The following TMEM167A variants were observed in gnomAD, a reference collection of about 807,000 sequenced individuals.
The protein encoded by TMEM167A is transmembrane protein 167A.
TMEM167A carries 8 observed loss-of-function variants against 11.6 expected under a neutral mutation model. The ratio of observed to expected loss-of-function variants is 0.69; its 90% CI spans 0.40 to 1.24. The LOEUF is 1.24. TMEM167A is among the 50% of genes most tolerant of loss of function. The pLI is 0.01. For synonymous variants in TMEM167A, 22 were observed against 28.0 expected, an observed-to-expected ratio of 0.79 and a Z score of 0.67; for missense variants, 62 against 87.0, an observed-to-expected ratio of 0.71 and a Z score of 1.14.
At chr5:83,062,022 C>G (rs1744414323) in intron 2 of TMEM167A, 111 bp from the exon 3 acceptor site, 1 of 852,854 alleles carries the variant, frequency 1.2e-6, no homozygotes, top group Non-Finnish European at 1.8e-6. Context: ...TAACCTTTAA[C>G]ACTTTGCTTC....
intron 3 of TMEM167A, among the ~76,000 whole-genome samples, chr5:83,061,091 C>T (rs956737963): frequency 5.3e-5 from 8 of 152,138 alleles, no homozygotes; most frequent in African/African-American, 1.9e-4. Context: ...AGTACTTTAA[C>T]TCGAGTCAAA....
intron 1 of TMEM167A, among the ~76,000 whole-genome samples, chr5:83,075,653 G>C (rs968817214): frequency 6.6e-6 from 1 of 151,978 alleles, no homozygotes; most frequent in African/African-American, 2.4e-5. Context: ...GCTGAGGCAG[G>C]AGAATTGCTT....
chr5:83,073,943 G>C (rs1744599904), intron 1 of TMEM167A, among the ~76,000 whole-genome samples: 1 of 152,132 alleles, frequency 6.6e-6, no homozygotes, highest in Non-Finnish European at 1.5e-5. Context: ...TTGTATACCT[G>C]AACTACAGCA....
intron 2 of TMEM167A, among the ~76,000 whole-genome samples, chr5:83,062,586 T>C (rs976701776): frequency 2.0e-5 from 3 of 152,058 alleles, no homozygotes; most frequent in Admixed American, 2.0e-4. Context: ...ATGAATATAT[T>C]ATGAATTACA....
chr5:83,076,242 A>AT (rs1744657224), intron 1 of TMEM167A, among the ~76,000 whole-genome samples: 1 of 152,218 alleles, frequency 6.6e-6, no homozygotes, highest in African/African-American at 2.4e-5. Context: ...TTATAAACTG[A>AT]TTTTTTGAAA....
At chr5:83,064,468 T>C (rs1262233538) in intron 2 of TMEM167A, 2 of 411,556 alleles carry the variant, frequency 4.9e-6, no homozygotes, top group Non-Finnish European at 9.4e-6. Context: ...AGAATTCCAA[T>C]AAAGTCATCA....
intron 1 of TMEM167A, among the ~76,000 whole-genome samples, chr5:83,073,494 C>T (rs1744593078): frequency 6.6e-6 from 1 of 152,184 alleles, no homozygotes; most frequent in South Asian, 2.1e-4. Flanking sequence ...GTGAGTTATA[C>T]ATCCACTTAA....
intron 1 of TMEM167A, 85 bp from the exon 2 acceptor site, chr5:83,065,202 AT>A: frequency 1.2e-6 from 1 of 838,122 alleles, no homozygotes; most frequent in Non-Finnish European, 1.9e-6. Flanking sequence ...ATTTAGAGTC[AT>A]GTTTTTATTT....
chr5:83,055,139 T>G lies in TMEM167A; in HGVS notation c.*1945A>C, dbSNP rs1470667559. ...ATGCTGCCTCCCACTCTGTTTAGCA[T>G]CTATACAAAGCAAAACGTTTTGTAT... On this transcript the variant is annotated 3_prime_UTR_variant, in exon 4 of 4. Coordinates refer to ENST00000502346, the MANE Select transcript of TMEM167A (RefSeq NM_174909.5). 1 of 152,080 alleles carries G rather than the reference T, an allele frequency of 6.6e-6. No homozygotes were observed. Among genetic ancestry groups the G allele is most frequent in the Non-Finnish European group, 1.5e-5 (1 of 67,964 alleles). The allele number at this position is 152,080 out of a possible 1,614,324, so 9.4% of individuals were successfully genotyped here.
In TMEM167A at chr5:83,054,457, G is replaced by C. The variant is rs1481490248; in HGVS notation, c.*2627C>G. On this transcript the variant is annotated 3_prime_UTR_variant, in exon 4 of 4. Transcript: ENST00000502346. ...TCTGAAGCCAAAAGGAGGCTAGGGA[G>C]AGCAACTGAACTTAGCAAGCTGAGG... 6.6e-6 allele frequency: 1 copy of C among 152,034 alleles called. No individual in the cohort carries two copies. Among genetic ancestry groups the C allele is most frequent in the East Asian group, 1.9e-4 (1 of 5,194 alleles). 9.4% of individuals were successfully genotyped at this position (152,034 alleles called of 1,614,324 possible).
At chr5:83,064,963 T>A (rs1393033608) in intron 2 of TMEM167A, 45 bp downstream of exon 2, 2 of 1,104,366 alleles carry the variant, frequency 1.8e-6, no homozygotes, top group South Asian at 1.4e-5. Context: ...ACATTGAACA[T>A]TTGTAAGAAC....
chr5:83,069,338 T>C (rs1744529248), intron 1 of TMEM167A, among the ~76,000 whole-genome samples: 1 of 151,972 alleles, frequency 6.6e-6, no homozygotes, highest in African/African-American at 2.4e-5. Flanking sequence ...TCCTCTTCAG[T>C]GAAAAAATAA....
chr5:83,057,831 T>G (rs971209361), intron 3 of TMEM167A, among the ~76,000 whole-genome samples: 1 of 152,102 alleles, frequency 6.6e-6, no homozygotes, highest in African/African-American at 2.4e-5. Flanking sequence ...CTTTCCTTTG[T>G]ACGAAGTAAA....
intron 3 of TMEM167A, among the ~76,000 whole-genome samples, chr5:83,059,757 T>C (rs905489407): frequency 9.2e-5 from 14 of 152,074 alleles, no homozygotes; most frequent in Admixed American, 2.6e-4. Context: ...ACTCCAGTAC[T>C]ATGGACATTT....
chr5:83,077,391 G>T lies in TMEM167A; in HGVS notation c.-68C>A, dbSNP rs1172549941. ...TCAGGCGGAAGAGGCTGCATGTCCC[G>T]TCTGCCCTTCTCGCCCTCTCCAGCC... On this transcript the variant is annotated 5_prime_UTR_variant, in exon 1 of 4. Coordinates refer to ENST00000502346, the MANE Select transcript of TMEM167A (RefSeq NM_174909.5). 1.2e-6 allele frequency: 2 copies of T among 1,612,350 alleles called. No homozygotes were observed. The highest frequency in any genetic ancestry group is 1.1e-5 in the South Asian group (1 of 91,046).
In TMEM167A at chr5:83,056,250, A is replaced by G. The variant is rs1744329595; in HGVS notation, c.*834T>C. ...ACAGTTCCTTTACGGCAATTAAAATAAATGTTTCATTTTTGAAGCCATGAC... is the reference window on the plus strand; with the variant it reads ...ACAGTTCCTTTACGGCAATTAAAATGAATGTTTCATTTTTGAAGCCATGAC... On this transcript the variant is annotated 3_prime_UTR_variant, in exon 4 of 4. Transcript: ENST00000502346. 2 of 152,092 alleles carry G rather than the reference A, an allele frequency of 1.3e-5. No homozygotes were observed. The highest frequency in any genetic ancestry group is 4.8e-5 in the African/African-American group (2 of 41,444). The allele number at this position is 152,092 out of a possible 1,614,324, so 9.4% of individuals were successfully genotyped here. A position where few individuals can be genotyped will look rare whatever the true frequency, so the allele number is the denominator to read the frequency against.
At position 83,063,324 on chromosome 5, in the gene TMEM167A, A is replaced by C. The variant is rs139167173; in HGVS notation, c.114-1413T>G. 2.0e-5 allele frequency among the ~76,000 whole-genome samples: 3 copies of C among 152,228 alleles called. No individual in the cohort carries two copies. In the East Asian group the frequency reaches 5.8e-4, roughly 29 times the overall value. ...GAGTGATTACACGGAAAGTCCTTAG[A>C]ATGGTGACTTAGATGTACTGTGTTC... On this transcript the variant is annotated intron_variant, in intron 2 of 3. Transcript: ENST00000502346.
At chr5:83,057,229 A>T in intron 3 of TMEM167A, 75 bp from the exon 4 acceptor site, 2 of 1,363,966 alleles carry the variant, frequency 1.5e-6, no homozygotes, top group South Asian at 2.3e-5. Context: ...ATACTACCAT[A>T]AGAATCAAGA....
intron 2 of TMEM167A, 44 bp downstream of exon 2, chr5:83,064,964 T>C (rs2306336): frequency 0.46 from 517,667 of 1,123,388 alleles, 122,604 homozygotes; most frequent in African/African-American, 0.6. Context: ...CATTGAACAT[T>C]TGTAAGAACT....
Sources: gnomAD v4.1 joint callset for allele counts (sites outside exome capture counted in the v4.1 genomes callset) on GRCh38, gnomAD v4.1.1 for gene constraint, MANE v1.5 for transcripts, NCBI Gene and HGNC (gene_info 2026-07-23, HGNC 2026-07-21) for gene names.